Variants in EPHA2 observed in about 807,000 individuals in gnomAD.
EPHA2 encodes the protein EPH receptor A2.
In EPHA2, 54 loss-of-function variants were observed where a neutral mutation model predicts 104.9. The observed-to-expected ratio is 0.51, with a 90% confidence interval of 0.41 to 0.65. EPHA2 has a LOEUF of 0.65. EPHA2 is among the 30% of genes least tolerant of loss of function. The probability of loss-of-function intolerance (pLI) is 0.00; values close to 1 mark genes in which losing one functional copy is unlikely to be tolerated. For missense variants in EPHA2, 1,117 were observed against 1,369.5 expected, an observed-to-expected ratio of 0.82 and a Z score of 2.91; for synonymous variants, 560 against 559.1, an observed-to-expected ratio of 1.00 and a Z score of -0.02.
chr1:16,151,880 C>G (rs575857054), intron 1 of EPHA2, among the ~76,000 whole-genome samples: 5 of 152,294 alleles, frequency 3.3e-5, no homozygotes, highest in Non-Finnish European at 5.9e-5. Context: ...GGGATACACT[C>G]CCGGGGTCTT....
intron 16 of EPHA2, among the ~76,000 whole-genome samples, chr1:16,126,742 C>T (rs1408680080): frequency 2.0e-5 from 3 of 152,168 alleles, no homozygotes; most frequent in Non-Finnish European, 4.4e-5. Flanking sequence ...TGCAGTTCCG[C>T]AGGTGGGGCA....
At chr1:16,155,096 A>C (rs1168466120) in intron 1 of EPHA2, 2 of 151,066 alleles carry the variant, frequency 1.3e-5, no homozygotes, top group Non-Finnish European at 3.0e-5. Context: ...GGGTGTCCTG[A>C]CTCCCTGGTG....
In EPHA2 at chr1:16,133,845, G is replaced by C; in HGVS notation, c.1738+15C>G. 1.3e-6 allele frequency: 2 copies of C among 1,542,662 alleles called. No individual in the cohort carries two copies. The highest frequency in any genetic ancestry group is 8.8e-7 in the Non-Finnish European group (1 of 1,141,630). ...TGCGGGCAGGGCTGGGCCTGGAGCG[G>C]GGGCTGCGTCTCACCTGACTTGGAG... On this transcript the variant is annotated intron_variant, in intron 9 of 16. Transcript: ENST00000358432.
At chr1:16,139,117 C>A (rs1264961536) in intron 3 of EPHA2, among the ~76,000 whole-genome samples, 1 of 152,248 alleles carries the variant, frequency 6.6e-6, no homozygotes, top group African/African-American at 2.4e-5. Flanking sequence ...CTCTTCCTCC[C>A]CCAGTGGCCA....
intron 11 of EPHA2, among the ~76,000 whole-genome samples, chr1:16,132,856 G>A (rs541777922): frequency 9.4e-4 from 132 of 140,934 alleles, no homozygotes; most frequent in African/African-American, 2.7e-3. Context: ...GTGGGTGCAG[G>A]TATGGGGGGA....
At position 16,134,616 on chromosome 1, in the gene EPHA2, A is replaced by T; in HGVS notation, c.1583-49T>A. On this transcript the variant is annotated intron_variant, in intron 7 of 16. Coordinates refer to ENST00000358432, the MANE Select transcript of EPHA2 (RefSeq NM_004431.5). The surrounding 1 kb of genome is among the most constrained non-coding windows in gnomAD (Gnocchi z 4.5). Reference sequence around the variant, plus strand: ...ACAAGGGAGTTCCCCCACAAATTACAGCAACACCCGCGCTGCACCCAAGAC... The same window carrying T: ...ACAAGGGAGTTCCCCCACAAATTACTGCAACACCCGCGCTGCACCCAAGAC... 6.3e-7 allele frequency: 1 copy of T among 1,588,838 alleles called. No individual in the cohort carries two copies. The highest frequency in any genetic ancestry group is 8.6e-7 in the Non-Finnish European group (1 of 1,161,922).
intron 3 of EPHA2, among the ~76,000 whole-genome samples, chr1:16,144,740 T>A (rs1203093463): frequency 6.6e-6 from 1 of 152,154 alleles, no homozygotes; most frequent in East Asian, 1.9e-4. Flanking sequence ...CCTGCTAAGG[T>A]CATACAGCCT....
chr1:16,130,298 T>A lies in EPHA2; in HGVS notation c.2597A>T (p.Asp866Val). The change falls in exon 15 of 17, where the codon GAC becomes GTC. Residue 866 changes from aspartate (D) to valine (V), a missense_variant. Coordinates refer to ENST00000358432, the MANE Select transcript of EPHA2 (RefSeq NM_004431.5). This position sits in a 1 kb window ranked among gnomAD's most constrained non-coding sequence, Gnocchi z 4.5. ...QERARRPKFA[D>V]IVSILDKLIR... The stretch of plus-strand genomic sequence containing the variant: ...GAGCTTGTCCAGGATGCTGACGATG[T>A]CAGCGAACTTGGGGCGGCGGGCACG... The A allele has an allele frequency of 6.2e-7, 1 of 1,612,332 alleles. No homozygotes were observed. Among genetic ancestry groups the A allele is most frequent in the Non-Finnish European group, 8.5e-7 (1 of 1,178,768 alleles).
At chr1:16,133,692 T>A in intron 9 of EPHA2, 86 bp from the exon 10 acceptor site, 1 of 1,588,118 alleles carries the variant, frequency 6.3e-7, no homozygotes, top group Non-Finnish European at 8.6e-7. Context: ...GGTCACGTGA[T>A]CTTCAGAGAC....
At chr1:16,155,631 G>A (rs1347209592) in intron 1 of EPHA2, 1 of 413,778 alleles carries the variant, frequency 2.4e-6, no homozygotes, top group Non-Finnish European at 4.2e-6. Context: ...TCCGAGGCCC[G>A]TGCGACCAAG....
chr1:16,140,454 A>G (rs1309638840), intron 3 of EPHA2, among the ~76,000 whole-genome samples: 1 of 152,182 alleles, frequency 6.6e-6, no homozygotes, highest in African/African-American at 2.4e-5. Context: ...TAGTCCTCGC[A>G]ATAGACCTGC....
At chr1:16,133,635 C>T (rs2124207790) in intron 9 of EPHA2, 29 bp from the exon 10 acceptor site, 2 of 1,613,284 alleles carry the variant, frequency 1.2e-6, no homozygotes, top group Non-Finnish European at 1.7e-6. Flanking sequence ...GGGTCACAGG[C>T]AGCTCAGGAG....
chr1:16,132,324 C>T, intron 12 of EPHA2, 51 bp from the exon 13 acceptor site: 1 of 1,614,112 alleles, frequency 6.2e-7, no homozygotes, highest in Non-Finnish European at 8.5e-7. Context: ...CCCGCCAGGC[C>T]AGCCCCGGGC....
chr1:16,127,947 C>G (rs1259921610), intron 16 of EPHA2, among the ~76,000 whole-genome samples: 2 of 152,226 alleles, frequency 1.3e-5, no homozygotes, highest in African/African-American at 4.8e-5. Flanking sequence ...AAGCACTTCT[C>G]CGTGCCCTCA....
chr1:16,152,159 C>T (rs1472408), intron 1 of EPHA2, among the ~76,000 whole-genome samples: 84,594 of 152,084 alleles, frequency 0.56, 24,616 homozygotes, highest in East Asian at 0.89. Context: ...CCTTTGGGCC[C>T]TGGAGCATGA....
At chr1:16,129,393 G>C (rs755374560) in intron 16 of EPHA2, 41 bp downstream of exon 16, 1 of 1,604,638 alleles carries the variant, frequency 6.2e-7, no homozygotes, top group South Asian at 1.1e-5. Context: ...TCTGGAGTGG[G>C]AGGCGGGAGG....
In EPHA2 at chr1:16,131,127, C is replaced by T. The variant is rs960447756; in HGVS notation, c.2475+594G>A. ...GAGAGGCACCAAGCACACAGACACA[C>T]ACACACATGCATGCATGCACATGTG... On this transcript the variant is annotated intron_variant, in intron 14 of 16. Transcript: ENST00000358432. The surrounding 1 kb of genome is among the most constrained non-coding windows in gnomAD (Gnocchi z 5.2). Among the ~76,000 whole-genome samples the T allele has an allele frequency of 2.6e-5, 4 of 152,206 alleles. No individual in the cohort carries two copies. Among genetic ancestry groups the T allele is most frequent in the African/African-American group, 4.8e-5 (2 of 41,462 alleles).
Position 16,131,750 on chromosome 1 carries a change from G to C in EPHA2, c.2446C>G (p.Arg816Gly). 1 of 1,614,078 alleles carries C rather than the reference G, an allele frequency of 6.2e-7. No individual in the cohort carries two copies. Among genetic ancestry groups the C allele is most frequent in the Non-Finnish European group, 8.5e-7 (1 of 1,180,016 alleles). ...VMWEVMTYGE[R>G]PYWELSNHEV... ...TGGTTGGACAACTCCCAGTAGGGCC[G>C]CTCGCCATAGGTCATCACCTCCCAC... The change falls in exon 14 of 17, where the codon CGG becomes GGG. Residue 816 changes from arginine to glycine, a missense_variant. Arg to Gly is a moderately radical substitution (Grantham distance 125). Around this residue, in one of 3 missense-constraint regions of EPHA2, gnomAD observed 340 missense variants for 480.5 expected, o/e 0.71. Coordinates refer to ENST00000358432, the MANE Select transcript of EPHA2 (RefSeq NM_004431.5). This position sits in a 1 kb window ranked among gnomAD's most constrained non-coding sequence, Gnocchi z 5.2.
intron 3 of EPHA2, among the ~76,000 whole-genome samples, chr1:16,145,968 C>T (rs2024924656): frequency 6.6e-6 from 1 of 152,218 alleles, no homozygotes; most frequent in African/African-American, 2.4e-5. Flanking sequence ...ATTCCGCTCG[C>T]ATGTCTGATA....
Sources: allele counts gnomAD v4.1 joint callset (sites outside exome capture counted in the v4.1 genomes callset), GRCh38; gene constraint gnomAD v4.1.1; regional missense constraint gnomAD v4.1.1; non-coding constraint Gnocchi (gnomAD v3.1); transcripts MANE v1.5; gene names NCBI Gene and HGNC (gene_info 2026-07-23, HGNC 2026-07-21).